The following GRID1 variants were observed in gnomAD, a reference collection of about 807,000 sequenced individuals.
The protein encoded by GRID1 is glutamate ionotropic receptor delta type subunit 1.
A neutral mutation model predicts 98.0 loss-of-function variants in GRID1; 28 were observed. The observed-to-expected ratio is 0.29, with a 90% CI of 0.21 to 0.39. GRID1 has a LOEUF of 0.39. Among genes scored for constraint, GRID1 ranks in the 10% least tolerant of loss-of-function variants. The pLI, the probability that GRID1 is intolerant of heterozygous loss-of-function variation, is 1.00. For missense variants in GRID1, 1,111 were observed against 1,340.5 expected (o/e 0.83, Z 2.67); for synonymous variants, 553 against 538.5 (o/e 1.03, Z -0.37).
At chr10:85,643,779 T>C (rs745624796) in intron 13 of GRID1, among the ~76,000 whole-genome samples, 3 of 152,132 alleles carry the variant, frequency 2.0e-5, no homozygotes, top group Admixed American at 2.0e-4. Flanking sequence ...CAAAGCCAGC[T>C]TGGGGTTCAT....
At chr10:86,003,955 G>A (rs2131876671) in intron 4 of GRID1, among the ~76,000 whole-genome samples, 1 of 152,310 alleles carries the variant, frequency 6.6e-6, no homozygotes, top group East Asian at 1.9e-4. Context: ...CTACAGCACT[G>A]CCCATTTCAG....
intron 12 of GRID1, among the ~76,000 whole-genome samples, chr10:85,666,627 T>TA (rs1208790399): frequency 5.9e-5 from 9 of 152,208 alleles, no homozygotes; most frequent in African/African-American, 1.9e-4. Context: ...CTGTAGTCAA[T>TA]AAACCAGTTT....
intron 2 of GRID1, among the ~76,000 whole-genome samples, chr10:86,290,687 A>G (rs1439432758): frequency 7.8e-6 from 1 of 128,558 alleles, no homozygotes; most frequent in Non-Finnish European, 1.7e-5. Context: ...ATAAAATAAA[A>G]TATGTTCCAG....
At chr10:86,001,546 T>C (rs1842802480) in intron 4 of GRID1, among the ~76,000 whole-genome samples, 1 of 152,188 alleles carries the variant, frequency 6.6e-6, no homozygotes. Context: ...TGTTCTTCAA[T>C]CTTTCTTGTT....
chr10:85,824,964 G>A (rs1366133195), intron 8 of GRID1, among the ~76,000 whole-genome samples: 1 of 152,156 alleles, frequency 6.6e-6, no homozygotes, highest in African/African-American at 2.4e-5. Flanking sequence ...GGATACTTAG[G>A]TTGGTTCCAT....
chr10:86,050,761 C>G (rs972652486), intron 4 of GRID1, among the ~76,000 whole-genome samples: 3 of 151,934 alleles, frequency 2.0e-5, no homozygotes, highest in African/African-American at 7.3e-5. Context: ...GATTGGTTTT[C>G]CCTAAACTAT....
At chr10:86,094,921 C>T (rs1392649588) in intron 4 of GRID1, among the ~76,000 whole-genome samples, 2 of 152,000 alleles carry the variant, frequency 1.3e-5, no homozygotes, top group African/African-American at 4.8e-5. Flanking sequence ...AATCTGGAGG[C>T]ATCACATTAC....
chr10:86,198,932 C>T (rs1845911882), intron 3 of GRID1, among the ~76,000 whole-genome samples: 1 of 152,114 alleles, frequency 6.6e-6, no homozygotes, highest in African/African-American at 2.4e-5. Flanking sequence ...AGTGTTTTGC[C>T]CTTACAGCTC....
chr10:86,165,407 C>G (rs931578277), intron 3 of GRID1, among the ~76,000 whole-genome samples: 1 of 152,154 alleles, frequency 6.6e-6, no homozygotes, highest in Non-Finnish European at 1.5e-5. Context: ...TAGACCAAGG[C>G]AGAGAGGGAA....
At chr10:86,159,421 T>C (rs867115528) in intron 3 of GRID1, among the ~76,000 whole-genome samples, 4 of 152,214 alleles carry the variant, frequency 2.6e-5, no homozygotes, top group South Asian at 4.1e-4. Context: ...GATACACAAA[T>C]ACTTGCCACT....
chr10:85,901,823 G>A (rs981217338), intron 5 of GRID1, among the ~76,000 whole-genome samples: 1 of 152,070 alleles, frequency 6.6e-6, no homozygotes, highest in Non-Finnish European at 1.5e-5. Flanking sequence ...GTCTCCACAG[G>A]GCTTTTCAAA....
chr10:86,236,706 G>A (rs777358138), intron 2 of GRID1, among the ~76,000 whole-genome samples: 9 of 152,228 alleles, frequency 5.9e-5, no homozygotes, highest in Non-Finnish European at 1.2e-4. Flanking sequence ...ATGGAGCACA[G>A]TCTCAAAGGG....
chr10:85,703,141 G>A (rs2132625159), intron 12 of GRID1, among the ~76,000 whole-genome samples: 1 of 152,146 alleles, frequency 6.6e-6, no homozygotes, highest in Middle Eastern at 3.4e-3. Context: ...CAATATTAGA[G>A]AGGAAAGCTG....
intron 4 of GRID1, among the ~76,000 whole-genome samples, chr10:86,058,320 C>T (rs868044951): frequency 5.9e-5 from 9 of 152,132 alleles, no homozygotes; most frequent in African/African-American, 2.2e-4. Flanking sequence ...GTTCCGGCCC[C>T]AGGTTCCAGG....
chr10:86,307,744 TGATTCTG>T (rs1847778155), intron 2 of GRID1, among the ~76,000 whole-genome samples: 1 of 152,242 alleles, frequency 6.6e-6, no homozygotes, highest in Admixed American at 6.5e-5. Context: ...TTCATTAGCC[TGATTCTG>T]GTGATCACTT....
chr10:86,139,113 C>A, intron 3 of GRID1, 89 bp from the exon 4 acceptor site: 2 of 862,940 alleles, frequency 2.3e-6, no homozygotes, highest in Admixed American at 3.8e-5. Context: ...ACGTTCCACC[C>A]ATGCAGGCCA....
At chr10:85,672,506 C>A (rs1331909831) in intron 12 of GRID1, among the ~76,000 whole-genome samples, 1 of 152,104 alleles carries the variant, frequency 6.6e-6, no homozygotes, top group Non-Finnish European at 1.5e-5. Flanking sequence ...TTGGGTTTCA[C>A]CATGTTGGTC....
chr10:85,941,961 C>T (rs940780436), intron 4 of GRID1, among the ~76,000 whole-genome samples: 3 of 152,164 alleles, frequency 2.0e-5, no homozygotes, highest in South Asian at 2.1e-4. Context: ...GGAGCTTACA[C>T]GGTGCTGAAG....
intron 2 of GRID1, among the ~76,000 whole-genome samples, chr10:86,259,384 C>T (rs1013803129): frequency 2.0e-5 from 3 of 152,340 alleles, no homozygotes; most frequent in Middle Eastern, 3.4e-3. Context: ...CTGATGACAA[C>T]TAATGACTTT....
Sources: allele counts gnomAD v4.1 joint callset (sites outside exome capture counted in the v4.1 genomes callset), GRCh38; gene constraint gnomAD v4.1.1; transcripts MANE v1.5; gene names NCBI Gene and HGNC (gene_info 2026-07-23, HGNC 2026-07-21).